The following RYR2 variants were observed in gnomAD, a reference collection of about 807,000 sequenced individuals.
The protein encoded by RYR2 is cardiac muscle ryanodine receptor-calcium release channel.
A neutral mutation model predicts 601.1 loss-of-function variants in RYR2; 227 were observed. The ratio of observed to expected loss-of-function variants is 0.38; its 90% confidence interval spans 0.34 to 0.42. The LOEUF (loss-of-function observed/expected upper bound fraction) is 0.42, where lower values mean the gene tolerates loss of function less well. Ranked by LOEUF, RYR2 falls within the 10% of genes least tolerant of loss-of-function variation. RYR2 has a pLI of 1.00. For missense variants in RYR2, 4,646 were observed against 6,156.5 expected (o/e 0.75, Z 8.21); for synonymous variants, 2,223 against 2,175.1 (o/e 1.02, Z -0.61).
intron 1 of RYR2, among the ~76,000 whole-genome samples, chr1:237,129,915 G>A (rs967067922): frequency 6.6e-6 from 1 of 152,072 alleles, no homozygotes; most frequent in Non-Finnish European, 1.5e-5. Context: ...CTAGTACAAT[G>A]GTGGTTTCCA....
At chr1:237,408,051 A>G (rs755570956) in intron 10 of RYR2, among the ~76,000 whole-genome samples, 23 of 151,992 alleles carry the variant, frequency 1.5e-4, no homozygotes, top group South Asian at 1.2e-3. Context: ...TGCAGATCAG[A>G]GGTTTTTAAT....
At chr1:237,823,429 A>C (rs7517783) in intron 101 of RYR2, among the ~76,000 whole-genome samples, 39,735 of 151,946 alleles carry the variant, frequency 0.26, 5,606 homozygotes, top group East Asian at 0.6. Context: ...CTGAATGACT[A>C]TTGGGTAAGT....
intron 1 of RYR2, among the ~76,000 whole-genome samples, chr1:237,143,246 T>C (rs1222165964): frequency 6.6e-6 from 1 of 152,186 alleles, no homozygotes; most frequent in Non-Finnish European, 1.5e-5. Context: ...GAATTCCCAT[T>C]GCATTTAGGC....
At chr1:237,306,405 C>T (rs915423802) in intron 2 of RYR2, among the ~76,000 whole-genome samples, 3 of 152,078 alleles carry the variant, frequency 2.0e-5, no homozygotes, top group African/African-American at 4.8e-5. Flanking sequence ...TTAAAATACT[C>T]GTGTATGCAG....
At chr1:237,103,751 T>C (rs1431653907) in intron 1 of RYR2, among the ~76,000 whole-genome samples, 1 of 152,168 alleles carries the variant, frequency 6.6e-6, no homozygotes, top group Non-Finnish European at 1.5e-5. Context: ...GTATTTTTAG[T>C]AGAGACAGGG....
chr1:237,167,156 G>A (rs1676797353), intron 1 of RYR2, among the ~76,000 whole-genome samples: 1 of 152,160 alleles, frequency 6.6e-6, no homozygotes, highest in African/African-American at 2.4e-5. Flanking sequence ...CTGCAGTGAT[G>A]TTCTTGGTGA....
intron 24 of RYR2, among the ~76,000 whole-genome samples, chr1:237,516,006 C>G (rs1291034593): frequency 6.7e-6 from 1 of 150,026 alleles, no homozygotes; most frequent in East Asian, 2.0e-4. Flanking sequence ...TTCTCTTCTT[C>G]TTCTTCTCTT....
At chr1:237,405,603 A>G (rs547598264) in intron 10 of RYR2, among the ~76,000 whole-genome samples, 1 of 152,178 alleles carries the variant, frequency 6.6e-6, no homozygotes, top group Non-Finnish European at 1.5e-5. Context: ...CTTACAGCCC[A>G]TAACTTGGTT....
chr1:237,474,559 T>G (rs1661190298), intron 17 of RYR2, among the ~76,000 whole-genome samples: 1 of 152,036 alleles, frequency 6.6e-6, no homozygotes, highest in East Asian at 1.9e-4. Flanking sequence ...CTTCCCTCCC[T>G]TCTTTAGTTT....
intron 2 of RYR2, among the ~76,000 whole-genome samples, chr1:237,320,538 G>A (rs1695527607): frequency 6.6e-6 from 1 of 152,156 alleles, no homozygotes; most frequent in Admixed American, 6.5e-5. Context: ...ATCACCTGCT[G>A]TTAAGTCAGA....
chr1:237,232,014 A>C lies in RYR2; in HGVS notation c.49-38483A>C, dbSNP rs10925344. Among the ~76,000 whole-genome samples the C allele has an allele frequency of 1.2e-3, 186 of 152,310 alleles. 2 individuals carry two copies. Among genetic ancestry groups the C allele is most frequent in the African/African-American group, 4.3e-3 (179 of 41,568 alleles). ...TCTTTAGCGTTTTTCTAGTGAATTA[A>C]TTTTAGGTAGCAACTTCCTTATTCT... On this transcript the variant is annotated intron_variant, in intron 1 of 104. Transcript: ENST00000366574.
chr1:237,770,419 G>A (rs1456705937), intron 84 of RYR2, among the ~76,000 whole-genome samples: 2 of 152,052 alleles, frequency 1.3e-5, no homozygotes, highest in East Asian at 1.9e-4. Flanking sequence ...GTCATAATCC[G>A]GGTACAAAGC....
Position 237,830,688 on chromosome 1 carries a change from C to T in RYR2, c.14756+58C>T, listed in dbSNP as rs1391325652. 12 of 823,888 alleles carry T rather than the reference C, an allele frequency of 1.5e-5. No homozygotes were observed. In the East Asian group the frequency reaches 3.0e-4, roughly 21 times the overall value. 51.0% of individuals were successfully genotyped at this position (823,888 alleles called of 1,614,324 possible). A position where few individuals can be genotyped will look rare whatever the true frequency, so the allele number is the denominator to read the frequency against. On this transcript the variant is annotated intron_variant, in intron 103 of 104. Coordinates refer to ENST00000366574, the MANE Select transcript of RYR2 (RefSeq NM_001035.3). Reference sequence around the variant, plus strand: ...TCCAGTAGACGCCACTGGTCCCTGCCCATCTCAGAATAGAGAGGAAGTTTT... The same window carrying T: ...TCCAGTAGACGCCACTGGTCCCTGCTCATCTCAGAATAGAGAGGAAGTTTT...
intron 14 of RYR2, 90 bp from the exon 15 acceptor site, chr1:237,454,301 G>A: frequency 7.6e-7 from 1 of 1,309,872 alleles, no homozygotes; most frequent in South Asian, 1.5e-5. Flanking sequence ...GATGTAGGGA[G>A]AGAGATTAAT....
chr1:237,205,702 G>A (rs1681730339), intron 1 of RYR2, among the ~76,000 whole-genome samples: 1 of 152,204 alleles, frequency 6.6e-6, no homozygotes. Context: ...AAAAGTGAGA[G>A]CCCAAATCCA....
chr1:237,741,866 T>A (rs988635418), intron 79 of RYR2, among the ~76,000 whole-genome samples: 51 of 152,132 alleles, frequency 3.4e-4, no homozygotes, highest in African/African-American at 1.2e-3. Flanking sequence ...CCTCCCAAAG[T>A]GCTGGGATTA....
chr1:237,646,945 T>C (rs1400115081), intron 48 of RYR2, among the ~76,000 whole-genome samples: 2 of 152,144 alleles, frequency 1.3e-5, no homozygotes, highest in Non-Finnish European at 2.9e-5. Flanking sequence ...GCAGATGCAT[T>C]TGTGGCATTC....
At chr1:237,800,695 A>C (rs1659856884) in intron 97 of RYR2, among the ~76,000 whole-genome samples, 1 of 152,246 alleles carries the variant, frequency 6.6e-6, no homozygotes, top group South Asian at 2.1e-4. Flanking sequence ...GGAAAGTTAC[A>C]ATTTCTAGCC....
At chr1:237,601,908 A>G (rs1250144981) in intron 34 of RYR2, 117 bp from the exon 35 acceptor site, 2 of 774,296 alleles carry the variant, frequency 2.6e-6, no homozygotes, top group Non-Finnish European at 4.1e-6. Context: ...TCGATATGCA[A>G]GAAAGGAAAA....
Sources: allele counts gnomAD v4.1 joint callset (sites outside exome capture counted in the v4.1 genomes callset), GRCh38; gene constraint gnomAD v4.1.1; transcripts MANE v1.5; gene names NCBI Gene and HGNC (gene_info 2026-07-23, HGNC 2026-07-21).